ZNF148: variants seen among roughly 807,000 people sequenced by gnomAD.
The protein encoded by ZNF148 is Beta-Enolase Repressor Factor-1.
ZNF148 carries 7 observed loss-of-function variants against 67.7 expected under a neutral mutation model. The observed-to-expected ratio is 0.10, with a 90% confidence interval of 0.06 to 0.19. The LOEUF is 0.19. ZNF148 is among the 10% of genes least tolerant of loss of function. The probability of loss-of-function intolerance (pLI) is 1.00; values close to 1 mark genes in which losing one functional copy is unlikely to be tolerated. For missense variants in ZNF148, 583 were observed against 947.1 expected, an observed-to-expected ratio of 0.62 and a Z score of 5.05; for synonymous variants, 333 against 330.7, an observed-to-expected ratio of 1.01 and a Z score of -0.08.
intron 7 of ZNF148, among the ~76,000 whole-genome samples, chr3:125,268,219 C>A (rs35679388): frequency 1.6e-5 from 2 of 123,196 alleles, no homozygotes; most frequent in Non-Finnish European, 1.7e-5. Context: ...AAAAACTATT[C>A]TAAAATTTAT....
chr3:125,336,620 A>G (rs931674250), intron 1 of ZNF148, among the ~76,000 whole-genome samples: 13 of 151,560 alleles, frequency 8.6e-5, no homozygotes, highest in African/African-American at 3.2e-4. Flanking sequence ...TTTTATAACC[A>G]TATCTATCCC....
Position 125,230,772 on chromosome 3 carries a change from T to G in ZNF148, c.*1569A>C, listed in dbSNP as rs1041826549. 6.6e-6 allele frequency: 1 copy of G among 152,186 alleles called. No individual in the cohort carries two copies. Among genetic ancestry groups the G allele is most frequent in the African/African-American group, 2.4e-5 (1 of 41,448 alleles). The allele number at this position is 152,186 out of a possible 1,614,324, so 9.4% of individuals were successfully genotyped here. ...AAGGGTATTAATTTTAGATTTTCAC[T>G]GGTGCTATATCAGGATGTGCATTGT... On this transcript the variant is annotated 3_prime_UTR_variant, in exon 9 of 9. Transcript: ENST00000360647.
At chr3:125,310,062 T>C (rs1310888500) in intron 4 of ZNF148, among the ~76,000 whole-genome samples, 1 of 147,582 alleles carries the variant, frequency 6.8e-6, no homozygotes, top group African/African-American at 2.5e-5. Context: ...TAAACAATAA[T>C]GGTTCAAAGA....
chr3:125,331,548 TCATAA>T (rs1456945179), intron 1 of ZNF148, among the ~76,000 whole-genome samples: 2 of 152,176 alleles, frequency 1.3e-5, no homozygotes, highest in Admixed American at 1.3e-4. Context: ...ATCTTAAATA[TCATAA>T]CATAGGAAGG....
At chr3:125,256,670 C>T (rs1439577910) in intron 7 of ZNF148, among the ~76,000 whole-genome samples, 1 of 152,046 alleles carries the variant, frequency 6.6e-6, no homozygotes, top group East Asian at 1.9e-4. Context: ...AGTGAGACTC[C>T]ATCTCAAAAA....
intron 1 of ZNF148, among the ~76,000 whole-genome samples, chr3:125,338,659 CAAAAAA>C (rs757727396): frequency 5.9e-5 from 3 of 51,200 alleles, no homozygotes; most frequent in African/African-American, 1.6e-4. Context: ...GACCCTGTCT[CAAAAAA>C]AAAAAAAAAA....
At chr3:125,309,095 G>C (rs1458243679) in intron 4 of ZNF148, among the ~76,000 whole-genome samples, 2 of 152,032 alleles carry the variant, frequency 1.3e-5, no homozygotes, top group Non-Finnish European at 1.5e-5. Context: ...GAATTGACTG[G>C]GAAGAATTAC....
At chr3:125,293,913 T>G (rs1012426194) in intron 4 of ZNF148, among the ~76,000 whole-genome samples, 1 of 152,142 alleles carries the variant, frequency 6.6e-6, no homozygotes, top group Admixed American at 6.5e-5. Flanking sequence ...GGTCTCAAAG[T>G]ATCTCCTCCA....
intron 3 of ZNF148, among the ~76,000 whole-genome samples, chr3:125,320,522 A>G (rs1272231579): frequency 6.6e-6 from 1 of 152,194 alleles, no homozygotes; most frequent in African/African-American, 2.4e-5. Context: ...TGGTAGTAAT[A>G]TTATTTTCCA....
At chr3:125,309,264 A>G (rs1940066664) in intron 4 of ZNF148, among the ~76,000 whole-genome samples, 1 of 152,036 alleles carries the variant, frequency 6.6e-6, no homozygotes, top group Admixed American at 6.5e-5. Flanking sequence ...ATTTTCACTC[A>G]AAAAAAATCT....
intron 7 of ZNF148, among the ~76,000 whole-genome samples, chr3:125,241,321 T>C (rs573707053): frequency 1.1e-4 from 16 of 151,162 alleles, no homozygotes; most frequent in East Asian, 9.7e-4. Flanking sequence ...TTCTTTCTTT[T>C]TTTTTTTTTT....
intron 5 of ZNF148, among the ~76,000 whole-genome samples, chr3:125,284,927 A>AG (rs529162220): frequency 1.3e-5 from 2 of 152,024 alleles, no homozygotes; most frequent in East Asian, 3.9e-4. Flanking sequence ...AAAAAAAAAA[A>AG]AAGACTCAGC....
At chr3:125,370,629 GAC>G (rs1463358387) in intron 1 of ZNF148, among the ~76,000 whole-genome samples, 3 of 152,286 alleles carry the variant, frequency 2.0e-5, no homozygotes, top group Non-Finnish European at 4.4e-5. Flanking sequence ...CCATTACTTA[GAC>G]TCCCAAAAAG....
intron 1 of ZNF148, chr3:125,357,660 G>A (rs1942403930): frequency 6.6e-6 from 1 of 152,368 alleles, no homozygotes; most frequent in Non-Finnish European, 1.5e-5. Context: ...AAAAGCCCAG[G>A]GAATATGAGG....
At chr3:125,304,015 T>C (rs982929943) in intron 4 of ZNF148, among the ~76,000 whole-genome samples, 1 of 152,040 alleles carries the variant, frequency 6.6e-6, no homozygotes, top group African/African-American at 2.4e-5. Context: ...CATAAATCTA[T>C]ATAATTTTAA....
intron 4 of ZNF148, among the ~76,000 whole-genome samples, chr3:125,288,639 T>C (rs1938838757): frequency 6.6e-6 from 1 of 152,152 alleles, no homozygotes; most frequent in Admixed American, 6.6e-5. Flanking sequence ...AAGAGGTATT[T>C]AGACTTCTAG....
At chr3:125,244,618 C>T (rs1936513568) in intron 7 of ZNF148, among the ~76,000 whole-genome samples, 1 of 152,114 alleles carries the variant, frequency 6.6e-6, no homozygotes, top group Non-Finnish European at 1.5e-5. Flanking sequence ...CTGCCTCAGC[C>T]TCCTGAGTAG....
At chr3:125,299,291 A>C (rs143121317) in intron 4 of ZNF148, among the ~76,000 whole-genome samples, 30 of 152,316 alleles carry the variant, frequency 2.0e-4, no homozygotes, top group African/African-American at 7.0e-4. Context: ...CCACTGTCTC[A>C]CAATTCCAGA....
intron 1 of ZNF148, among the ~76,000 whole-genome samples, chr3:125,340,983 G>A (rs1461159059): frequency 7.6e-5 from 9 of 117,848 alleles, no homozygotes; most frequent in African/African-American, 1.4e-4. Flanking sequence ...GCGAGACTCC[G>A]GCTCAAAAAA....
Sources: gnomAD v4.1 joint callset for allele counts (sites outside exome capture counted in the v4.1 genomes callset) on GRCh38, gnomAD v4.1.1 for gene constraint, MANE v1.5 for transcripts, NCBI Gene and HGNC (gene_info 2026-07-23, HGNC 2026-07-21) for gene names.